Variants in LRRTM4 observed in about 807,000 individuals in gnomAD.
LRRTM4 encodes leucine-rich repeat transmembrane neuronal protein 4.
In LRRTM4, 25 loss-of-function variants were observed where a neutral mutation model predicts 47.6. The observed-to-expected ratio is 0.53, with a 90% CI of 0.38 to 0.73. The LOEUF is 0.73. Among genes scored for constraint, LRRTM4 ranks in the 30% least tolerant of loss-of-function variants. The pLI is 0.00. For missense variants in LRRTM4, 638 were observed against 713.4 expected, an observed-to-expected ratio of 0.89 and a Z score of 1.20; for synonymous variants, 311 against 269.5, an observed-to-expected ratio of 1.15 and a Z score of -1.51.
intron 3 of LRRTM4, among the ~76,000 whole-genome samples, chr2:77,005,566 A>G (rs1192736619): frequency 6.6e-6 from 1 of 152,180 alleles, no homozygotes; most frequent in Non-Finnish European, 1.5e-5. Context: ...ATGTCATGGA[A>G]GGGACCCAGT....
At chr2:77,247,573 GA>G (rs1675481735) in intron 3 of LRRTM4, among the ~76,000 whole-genome samples, 1 of 151,974 alleles carries the variant, frequency 6.6e-6, no homozygotes, top group Admixed American at 6.6e-5. Flanking sequence ...TACTGTACCT[GA>G]AAGTTACAAA....
intron 3 of LRRTM4, among the ~76,000 whole-genome samples, chr2:77,383,506 G>A (rs1467077462): frequency 6.6e-6 from 1 of 151,822 alleles, no homozygotes; most frequent in Non-Finnish European, 1.5e-5. Flanking sequence ...TTTCCACTAC[G>A]ACCCAAAAGG....
Position 77,045,791 on chromosome 2 carries a change from G to A in LRRTM4, c.1552-296875C>T, listed in dbSNP as rs1328145407. Among the ~76,000 whole-genome samples the A allele has an allele frequency of 2.6e-5, 4 of 151,834 alleles. No individual in the cohort carries two copies. The Admixed American group carries it at 2.6e-4, about 10-fold the overall frequency. ...TTGTAAATTGCTCAGTCTTGGGTAA[G>A]TGTTTATCAGCAGCATGAAAATGGA... On this transcript the variant is annotated intron_variant, in intron 3 of 3. Transcript: ENST00000409884.
intron 3 of LRRTM4, among the ~76,000 whole-genome samples, chr2:77,154,217 A>G (rs1258206889): frequency 6.6e-6 from 1 of 152,202 alleles, no homozygotes; most frequent in Non-Finnish European, 1.5e-5. Flanking sequence ...ATGTCTAACA[A>G]TTATAGACTT....
intron 3 of LRRTM4, among the ~76,000 whole-genome samples, chr2:77,462,084 T>A (rs1397173584): frequency 6.6e-6 from 1 of 152,076 alleles, no homozygotes; most frequent in Non-Finnish European, 1.5e-5. Flanking sequence ...AATTGACACT[T>A]TCTTCAGAAA....
chr2:77,439,572 T>C (rs1052290116), intron 3 of LRRTM4, among the ~76,000 whole-genome samples: 5 of 152,280 alleles, frequency 3.3e-5, no homozygotes, highest in African/African-American at 1.2e-4. Context: ...ATTGCAAGGA[T>C]TCCTATTTTT....
chr2:77,139,390 T>C (rs555841069), intron 3 of LRRTM4, among the ~76,000 whole-genome samples: 11 of 152,156 alleles, frequency 7.2e-5, no homozygotes, highest in Non-Finnish European at 1.6e-4. Flanking sequence ...ATTATCTCAA[T>C]AGATGCGGAA....
At chr2:76,789,295 A>G (rs1055870767) in intron 3 of LRRTM4, among the ~76,000 whole-genome samples, 2 of 152,196 alleles carry the variant, frequency 1.3e-5, no homozygotes, top group East Asian at 1.9e-4. Context: ...ATGGCCAAGT[A>G]GGTGATATTT....
intron 3 of LRRTM4, among the ~76,000 whole-genome samples, chr2:77,212,642 C>G (rs1309082627): frequency 6.6e-6 from 1 of 151,414 alleles, no homozygotes; most frequent in African/African-American, 2.4e-5. Context: ...CTGTCTTACA[C>G]CAAATAACCG....
At chr2:76,954,345 T>C (rs1473007740) in intron 3 of LRRTM4, among the ~76,000 whole-genome samples, 2 of 151,530 alleles carry the variant, frequency 1.3e-5, no homozygotes, top group East Asian at 3.9e-4. Context: ...ATCAGCAAGA[T>C]AGAAATTAAT....
intron 3 of LRRTM4, among the ~76,000 whole-genome samples, chr2:77,445,407 T>C (rs1191742046): frequency 2.0e-5 from 3 of 152,078 alleles, no homozygotes; most frequent in Middle Eastern, 3.4e-3. Flanking sequence ...CTGGACTAAG[T>C]CTCTTCTACC....
At chr2:77,108,670 G>T (rs1304242192) in intron 3 of LRRTM4, among the ~76,000 whole-genome samples, 1 of 148,304 alleles carries the variant, frequency 6.7e-6, no homozygotes, top group Non-Finnish European at 1.5e-5. Flanking sequence ...TGCAAGCTCC[G>T]CCTCCCGGGT....
intron 3 of LRRTM4, among the ~76,000 whole-genome samples, chr2:77,201,538 T>C (rs138809344): frequency 2.6e-4 from 39 of 152,218 alleles, no homozygotes; most frequent in African/African-American, 9.4e-4. Flanking sequence ...GATGTCTATA[T>C]AAGAAAGCAT....
chr2:76,974,211 C>CATACATATATATAT lies in LRRTM4; in HGVS notation c.1552-225296_1552-225295insATATATATATGTAT, dbSNP rs1440382318. 5.1e-4 allele frequency among the ~76,000 whole-genome samples: 60 copies of CATACATATATATAT among 118,214 alleles called. 1 individual carries two copies. The highest frequency in any genetic ancestry group is 1.2e-3 in the Admixed American group (14 of 11,636). 77.6% of individuals were successfully genotyped at this position (118,214 alleles called of 152,430 possible). A position where few individuals can be genotyped will look rare whatever the true frequency, so the allele number is the denominator to read the frequency against. On this transcript the variant is annotated intron_variant, in intron 3 of 3. Coordinates refer to ENST00000409884, the MANE Select transcript of LRRTM4 (RefSeq NM_001134745.3). ...ACATATATATACATATATATATATA[C>CATACATATATATAT]ACATATATATACATACATATATATA...
chr2:77,163,200 A>C (rs1433760941), intron 3 of LRRTM4, among the ~76,000 whole-genome samples: 5 of 152,202 alleles, frequency 3.3e-5, no homozygotes, highest in Non-Finnish European at 5.9e-5. Flanking sequence ...TCGGTAGCCT[A>C]TTCGATCAAG....
chr2:77,208,673 T>C (rs1287457203), intron 3 of LRRTM4, among the ~76,000 whole-genome samples: 1 of 152,076 alleles, frequency 6.6e-6, no homozygotes, highest in Non-Finnish European at 1.5e-5. Context: ...GTCAGGGGAC[T>C]TGGGGAAAAT....
Position 77,522,269 on chromosome 2 carries a change from T to A in LRRTM4, c.-308A>T. 1.7e-6 allele frequency: 1 copy of A among 585,170 alleles called. No individual in the cohort carries two copies. The highest frequency in any genetic ancestry group is 3.1e-6 in the Non-Finnish European group (1 of 325,330). 36.2% of individuals were successfully genotyped at this position (585,170 alleles called of 1,614,324 possible). Reference sequence around the variant, plus strand: ...TCCATTTAGCTGGTCAGGTTTAAAGTGTTTTGTAGCTGTGCTGGGAGGCAG... The same window carrying A: ...TCCATTTAGCTGGTCAGGTTTAAAGAGTTTTGTAGCTGTGCTGGGAGGCAG... On this transcript the variant is annotated 5_prime_UTR_variant, in exon 1 of 4. Coordinates refer to ENST00000409884, the MANE Select transcript of LRRTM4 (RefSeq NM_001134745.3).
chr2:76,958,517 A>C (rs1316937881), intron 3 of LRRTM4, among the ~76,000 whole-genome samples: 1 of 151,788 alleles, frequency 6.6e-6, no homozygotes, highest in Non-Finnish European at 1.5e-5. Context: ...ATAGTTGTTA[A>C]AATACTATTT....
chr2:77,391,636 T>C (rs929218688), intron 3 of LRRTM4, among the ~76,000 whole-genome samples: 2 of 152,032 alleles, frequency 1.3e-5, no homozygotes, highest in African/African-American at 4.8e-5. Flanking sequence ...TCATTCACTA[T>C]AGCCAAGATA....
Sources: allele counts gnomAD v4.1 joint callset (sites outside exome capture counted in the v4.1 genomes callset), GRCh38; gene constraint gnomAD v4.1.1; transcripts MANE v1.5; gene names NCBI Gene and HGNC (gene_info 2026-07-23, HGNC 2026-07-21).